The following GRM1 variants were observed in gnomAD, a reference collection of about 807,000 sequenced individuals.
GRM1 encodes the protein glutamate metabotropic receptor 1.
A neutral mutation model predicts 90.9 loss-of-function variants in GRM1; 33 were observed. That is an observed-to-expected ratio of 0.36 (90% confidence interval 0.28 to 0.49). GRM1 has a LOEUF of 0.49. GRM1 is among the 20% of genes least tolerant of loss of function. The pLI, the probability that GRM1 is intolerant of heterozygous loss-of-function variation, is 0.99. For synonymous variants in GRM1, 700 were observed against 613.2 expected (o/e 1.14, Z -2.09); for missense variants, 1,190 against 1,534.3 (o/e 0.78, Z 3.75).
chr6:146,270,589 A>C (rs539457574), intron 2 of GRM1, among the ~76,000 whole-genome samples: 1 of 152,178 alleles, frequency 6.6e-6, no homozygotes, highest in African/African-American at 2.4e-5. Flanking sequence ...ATGACCCCCA[A>C]CCCAAGGTTT....
intron 2 of GRM1, among the ~76,000 whole-genome samples, chr6:146,291,045 G>A (rs149334503): frequency 2.4e-4 from 36 of 152,148 alleles, no homozygotes; most frequent in African/African-American, 5.5e-4. Context: ...TGAAACAAGG[G>A]GGAACTAATA....
chr6:146,150,270 T>G (rs548779915), intron 1 of GRM1, among the ~76,000 whole-genome samples: 1 of 152,150 alleles, frequency 6.6e-6, no homozygotes, highest in Non-Finnish European at 1.5e-5. Context: ...AAATTTAGAT[T>G]TTATCATAAG....
chr6:146,268,024 C>A (rs1781984121), intron 2 of GRM1, among the ~76,000 whole-genome samples: 1 of 152,164 alleles, frequency 6.6e-6, no homozygotes, highest in Admixed American at 6.5e-5. Flanking sequence ...CTGTCTTCCT[C>A]AATGGTCATA....
intron 5 of GRM1, among the ~76,000 whole-genome samples, chr6:146,368,269 G>GT (rs1554302023): frequency 0.023 from 2,957 of 128,126 alleles, 69 homozygotes; most frequent in Middle Eastern, 0.037. Context: ...TTGGGGGGGG[G>GT]GGTAGAATCT....
intron 5 of GRM1, among the ~76,000 whole-genome samples, chr6:146,363,202 T>C (rs1481751331): frequency 6.6e-6 from 1 of 152,192 alleles, no homozygotes; most frequent in Non-Finnish European, 1.5e-5. Flanking sequence ...AGGCCATTGA[T>C]TAAAATGTAG....
intron 2 of GRM1, among the ~76,000 whole-genome samples, chr6:146,232,797 G>A (rs1780492981): frequency 6.6e-6 from 1 of 151,946 alleles, no homozygotes; most frequent in African/African-American, 2.4e-5. Flanking sequence ...ACATTCTGAT[G>A]TACTGGGGGT....
Position 146,399,817 on chromosome 6 carries a change from C to T in GRM1, c.2660+118C>T. On this transcript the variant is annotated intron_variant, in intron 7 of 7. Coordinates refer to ENST00000282753, the MANE Select transcript of GRM1 (RefSeq NM_001278064.2). This position sits in a 1 kb window ranked among gnomAD's most constrained non-coding sequence, Gnocchi z 5.4. ...CTTCCTCTAGTTTTCTGAGTTGTCT[C>T]TTCCATTTCCCCCATGTCTTTCTCT... 2.8e-6 allele frequency: 2 copies of T among 723,460 alleles called. No individual in the cohort carries two copies. The highest frequency in any genetic ancestry group is 4.8e-6 in the Non-Finnish European group (2 of 413,078). The allele number at this position is 723,460 out of a possible 1,614,324, so 44.8% of individuals were successfully genotyped here.
At position 146,407,508 on chromosome 6, in the gene GRM1, A is replaced by G. The variant is rs1777388300; in HGVS notation, c.2660+7809A>G. On this transcript the variant is annotated intron_variant, in intron 7 of 7. Coordinates refer to ENST00000282753, the MANE Select transcript of GRM1 (RefSeq NM_001278064.2). The stretch of plus-strand genomic sequence containing the variant: ...GTCATCTTTTATATTTCAGATTCAG[A>G]TAAACTTGTATAGTCAATGCATATT... Among the ~76,000 whole-genome samples, 4 of 152,352 alleles carry G rather than the reference A, an allele frequency of 2.6e-5. No homozygotes were observed. The South Asian group carries it at 8.3e-4, about 32-fold the overall frequency.
At chr6:146,216,218 T>C (rs117891327) in intron 2 of GRM1, among the ~76,000 whole-genome samples, 2,089 of 152,324 alleles carry the variant, frequency 0.014, 30 homozygotes, top group Middle Eastern at 0.041. Context: ...GCTAATACCA[T>C]TGTGCCTTAA....
chr6:146,115,313 A>G (rs773590693), intron 1 of GRM1, among the ~76,000 whole-genome samples: 2 of 152,148 alleles, frequency 1.3e-5, no homozygotes, highest in African/African-American at 4.8e-5. Flanking sequence ...TATAGACTTC[A>G]TATATAAAAT....
At chr6:146,345,969 C>T (rs1583359676) in intron 3 of GRM1, among the ~76,000 whole-genome samples, 3 of 152,166 alleles carry the variant, frequency 2.0e-5, no homozygotes, top group Admixed American at 6.5e-5. Context: ...CTGTTTTGAG[C>T]CAGGTCAATA....
intron 3 of GRM1, among the ~76,000 whole-genome samples, chr6:146,316,856 A>G (rs1404948275): frequency 6.6e-6 from 1 of 152,122 alleles, no homozygotes; most frequent in Non-Finnish European, 1.5e-5. Context: ...TTGAAGGCCC[A>G]AGGTCCATTT....
intron 1 of GRM1, among the ~76,000 whole-genome samples, chr6:146,104,917 G>T (rs1176424114): frequency 1.3e-5 from 2 of 152,158 alleles, no homozygotes; most frequent in Admixed American, 6.5e-5. Context: ...AAACGTAAAA[G>T]AAAGCTAGAA....
chr6:146,183,563 G>A (rs1394850769), intron 2 of GRM1, among the ~76,000 whole-genome samples: 1 of 152,102 alleles, frequency 6.6e-6, no homozygotes, highest in Non-Finnish European at 1.5e-5. Context: ...GGACCTGGGT[G>A]GGAACACAGC....
At chr6:146,159,298 A>G in intron 1 of GRM1, 50 bp from the exon 2 acceptor site, 1 of 1,610,202 alleles carries the variant, frequency 6.2e-7, no homozygotes, top group Non-Finnish European at 8.5e-7. Context: ...TTGTGTAAGT[A>G]GTGTTATTGC....
intron 3 of GRM1, among the ~76,000 whole-genome samples, chr6:146,349,921 C>G (rs1013793110): frequency 6.6e-6 from 1 of 152,138 alleles, no homozygotes; most frequent in Non-Finnish European, 1.5e-5. Context: ...TTAATAACCT[C>G]AGAAGATAAG....
intron 2 of GRM1, among the ~76,000 whole-genome samples, chr6:146,160,508 C>A (rs1439987765): frequency 6.6e-6 from 1 of 152,204 alleles, no homozygotes; most frequent in African/African-American, 2.4e-5. Context: ...CTTTACTGAT[C>A]TTCAACCCTA....
intron 3 of GRM1, among the ~76,000 whole-genome samples, chr6:146,344,507 C>A (rs898917811): frequency 1.3e-5 from 2 of 152,148 alleles, no homozygotes; most frequent in Non-Finnish European, 1.5e-5. Context: ...GTTACTAAGA[C>A]CTCCTTGCCT....
rs1778527568 is a variant in GRM1, at chr6:146,434,484, C to T, written c.3273C>T (p.Ser1091=). 1 of 1,614,028 alleles carries T rather than the reference C, an allele frequency of 6.2e-7. No homozygotes were observed. The highest frequency in any genetic ancestry group is 8.5e-7 in the Non-Finnish European group (1 of 1,180,002). The change falls in exon 8 of 8, where the codon TCC becomes TCT. Residue 1091 remains serine (S), a synonymous_variant. Coordinates refer to ENST00000282753, the MANE Select transcript of GRM1 (RefSeq NM_001278064.2). The part of the protein sequence containing the change: ...QLSTFGEELV[S]PPADDDDDSE... ...GCACCTTTGGGGAGGAGCTGGTCTC[C>T]CCGCCCGCGGACGACGACGACGACA...
Sources: allele counts gnomAD v4.1 joint callset (sites outside exome capture counted in the v4.1 genomes callset), GRCh38; gene constraint gnomAD v4.1.1; non-coding constraint Gnocchi (gnomAD v3.1); transcripts MANE v1.5; gene names NCBI Gene and HGNC (gene_info 2026-07-23, HGNC 2026-07-21).